The following SUPT3H variants were observed in gnomAD, a reference collection of about 807,000 sequenced individuals.
SUPT3H encodes SPT3 homolog, SAGA and STAGA complex component.
In SUPT3H, 44 loss-of-function variants were observed where a neutral mutation model predicts 44.3. The observed-to-expected ratio is 0.99, with a 90% CI of 0.78 to 1.28. The LOEUF (loss-of-function observed/expected upper bound fraction) is 1.28. Ranked by LOEUF, SUPT3H falls within the 50% of genes most tolerant of loss-of-function variation. The pLI is 0.00. For synonymous variants in SUPT3H, 124 were observed against 125.6 expected, an observed-to-expected ratio of 0.99 and a Z score of 0.09; for missense variants, 380 against 387.1, an observed-to-expected ratio of 0.98 and a Z score of 0.15.
intron 5 of SUPT3H, among the ~76,000 whole-genome samples, chr6:45,014,425 T>G (rs1783941637): frequency 6.6e-6 from 1 of 152,048 alleles, no homozygotes; most frequent in African/African-American, 2.4e-5. Context: ...ACAATATAAT[T>G]TCCCTCCACA....
chr6:45,080,569 C>T (rs1364432268), intron 3 of SUPT3H, among the ~76,000 whole-genome samples: 3 of 151,466 alleles, frequency 2.0e-5, no homozygotes, highest in Admixed American at 6.6e-5. Context: ...GAAAATGTGG[C>T]ATATACGCAA....
chr6:45,287,764 A>C (rs910547139), intron 2 of SUPT3H, among the ~76,000 whole-genome samples: 1 of 152,226 alleles, frequency 6.6e-6, no homozygotes, highest in Non-Finnish European at 1.5e-5. Flanking sequence ...TGGTAAATTT[A>C]ATGTATCACT....
chr6:44,942,913 C>G (rs1582652545), intron 9 of SUPT3H, among the ~76,000 whole-genome samples: 1 of 152,176 alleles, frequency 6.6e-6, no homozygotes, highest in South Asian at 2.1e-4. Flanking sequence ...CTACCACCAC[C>G]ACCAATAAAA....
intron 10 of SUPT3H, among the ~76,000 whole-genome samples, chr6:44,860,225 T>A (rs562056773): frequency 1.3e-5 from 2 of 152,320 alleles, no homozygotes; most frequent in East Asian, 3.9e-4. Context: ...AATGAACTCA[T>A]TTCATTAATA....
intron 10 of SUPT3H, among the ~76,000 whole-genome samples, chr6:44,838,839 T>C (rs1770411222): frequency 6.6e-6 from 1 of 152,228 alleles, no homozygotes; most frequent in Non-Finnish European, 1.5e-5. Context: ...CCTTTGTGTC[T>C]CTTTCCTTAA....
chr6:45,001,692 G>A (rs547490706), intron 6 of SUPT3H, among the ~76,000 whole-genome samples: 2 of 152,090 alleles, frequency 1.3e-5, no homozygotes, highest in South Asian at 4.2e-4. Flanking sequence ...ACATGCTAGG[G>A]GAGAAGGTAG....
At chr6:45,300,766 G>C (rs952765718) in intron 2 of SUPT3H, among the ~76,000 whole-genome samples, 2 of 152,122 alleles carry the variant, frequency 1.3e-5, no homozygotes, top group African/African-American at 4.8e-5. Context: ...ATGTATACCT[G>C]ATCGCAGATT....
chr6:44,898,803 C>T (rs1764510645), intron 10 of SUPT3H: 1 of 152,342 alleles, frequency 6.6e-6, no homozygotes, highest in Non-Finnish European at 1.5e-5. Context: ...GCAGTCGCTG[C>T]TTCAACAGGG....
At chr6:45,133,131 T>C (rs1009365409) in intron 2 of SUPT3H, among the ~76,000 whole-genome samples, 5 of 152,200 alleles carry the variant, frequency 3.3e-5, no homozygotes, top group South Asian at 2.1e-4. Context: ...TTCTACTTAA[T>C]TGCTTAGACT....
chr6:45,121,794 G>A (rs375587439), intron 2 of SUPT3H, among the ~76,000 whole-genome samples: 2 of 152,014 alleles, frequency 1.3e-5, no homozygotes, highest in Non-Finnish European at 2.9e-5. Context: ...TCCTGCCTCA[G>A]TCTCCTGAGT....
chr6:44,952,808 A>G (rs771248171), intron 9 of SUPT3H, among the ~76,000 whole-genome samples: 45 of 152,318 alleles, frequency 3.0e-4, no homozygotes, highest in Non-Finnish European at 6.0e-4. Context: ...ATCAGAAAAG[A>G]ATATAATTTT....
chr6:44,846,124 C>T (rs1039830012), intron 10 of SUPT3H, among the ~76,000 whole-genome samples: 6 of 152,098 alleles, frequency 3.9e-5, no homozygotes, highest in African/African-American at 1.2e-4. Context: ...ACTGAACAAG[C>T]GAGCCACACC....
At chr6:45,204,271 G>GAAGAAGAAGAAGAAGAAC (rs1346470905) in intron 2 of SUPT3H, among the ~76,000 whole-genome samples, 2 of 151,652 alleles carry the variant, frequency 1.3e-5, no homozygotes, top group African/African-American at 4.8e-5. Flanking sequence ...AGAAGAAGAA[G>GAAGAAGAAGAAGAAGAAC]AAGAAGAAGA....
At chr6:44,937,492 T>TAAAAAAAAAAAA (rs1771644374) in intron 9 of SUPT3H, among the ~76,000 whole-genome samples, 1 of 147,632 alleles carries the variant, frequency 6.8e-6, no homozygotes, top group African/African-American at 2.6e-5. Flanking sequence ...AGACACTGTC[T>TAAAAAAAAAAAA]CAAAAAAAAA....
chr6:45,346,807 C>T (rs577867637), intron 2 of SUPT3H, among the ~76,000 whole-genome samples: 1 of 152,186 alleles, frequency 6.6e-6, no homozygotes, highest in African/African-American at 2.4e-5. Context: ...TCAGGTGATT[C>T]GCCCACCTTG....
At chr6:45,219,543 C>T (rs1765650262) in intron 2 of SUPT3H, among the ~76,000 whole-genome samples, 1 of 152,204 alleles carries the variant, frequency 6.6e-6, no homozygotes, top group African/African-American at 2.4e-5. Context: ...AGAAACAAGC[C>T]AATTCCTTGA....
chr6:45,154,027 G>A (rs986144117), intron 2 of SUPT3H, among the ~76,000 whole-genome samples: 7 of 126,628 alleles, frequency 5.5e-5, no homozygotes, highest in East Asian at 2.6e-4. Context: ...CTGAGATCAC[G>A]CCACTGCACT....
At position 45,246,297 on chromosome 6, in the gene SUPT3H, T is replaced by C. The variant is rs543911466; in HGVS notation, c.101+118904A>G. Among the ~76,000 whole-genome samples, 12 of 152,304 alleles carry C rather than the reference T, an allele frequency of 7.9e-5. No individual in the cohort carries two copies. The South Asian group carries it at 2.5e-3, about 32-fold the overall frequency. ...TTAATGATGTCTAATTTTTTATTTTTCTTTCGTTACCTGTGTTTTTAGTAT... is the reference window on the plus strand; with the variant it reads ...TTAATGATGTCTAATTTTTTATTTTCCTTTCGTTACCTGTGTTTTTAGTAT... On this transcript the variant is annotated intron_variant, in intron 2 of 10. Coordinates refer to ENST00000371459, the MANE Select transcript of SUPT3H (RefSeq NM_003599.4).
At chr6:45,170,254 T>A (rs1810554355) in intron 2 of SUPT3H, among the ~76,000 whole-genome samples, 1 of 152,228 alleles carries the variant, frequency 6.6e-6, no homozygotes, top group Non-Finnish European at 1.5e-5. Flanking sequence ...TGAATAATTC[T>A]ATAGGCATTG....
Sources: allele counts gnomAD v4.1 joint callset (sites outside exome capture counted in the v4.1 genomes callset), GRCh38; gene constraint gnomAD v4.1.1; transcripts MANE v1.5; gene names NCBI Gene and HGNC (gene_info 2026-07-23, HGNC 2026-07-21).